The following CDH4 variants were observed in gnomAD, a reference collection of about 807,000 sequenced individuals.
The protein encoded by CDH4 is cadherin 4, also known as cadherin-4.
In CDH4, 33 loss-of-function variants were observed where a neutral mutation model predicts 86.0. The observed-to-expected ratio is 0.38, with a 90% CI of 0.29 to 0.51. The LOEUF (loss-of-function observed/expected upper bound fraction) is 0.51. CDH4 is among the 20% of genes least tolerant of loss of function. The pLI is 0.86. For missense variants in CDH4, 1,114 were observed against 1,307.4 expected, an observed-to-expected ratio of 0.85 and a Z score of 2.28; for synonymous variants, 555 against 549.4, an observed-to-expected ratio of 1.01 and a Z score of -0.14.
At chr20:61,592,497 A>C (rs200886382) in intron 2 of CDH4, among the ~76,000 whole-genome samples, 6 of 140,366 alleles carry the variant, frequency 4.3e-5, no homozygotes, top group Non-Finnish European at 9.4e-5. Flanking sequence ...CTTGGAAAGT[A>C]CAATTTATGA....
chr20:61,290,592 G>A (rs965855985), intron 2 of CDH4, among the ~76,000 whole-genome samples: 1 of 152,248 alleles, frequency 6.6e-6, no homozygotes, highest in Admixed American at 6.5e-5. Context: ...TTGACTACCT[G>A]CCCTGGTCCT....
chr20:61,376,253 T>C (rs1333081388), intron 2 of CDH4, among the ~76,000 whole-genome samples: 1 of 151,766 alleles, frequency 6.6e-6, no homozygotes, highest in Non-Finnish European at 1.5e-5. Context: ...GTAGTAGTGG[T>C]GGTGATGTGC....
chr20:61,512,904 GTGTT>G (rs903429330), intron 2 of CDH4, among the ~76,000 whole-genome samples: 10 of 152,222 alleles, frequency 6.6e-5, no homozygotes, highest in Admixed American at 2.0e-4. Flanking sequence ...TTCAGTTTGT[GTGTT>G]TGTTTGTTTT....
chr20:61,863,761 G>C (rs1983428594), intron 6 of CDH4, among the ~76,000 whole-genome samples: 1 of 152,194 alleles, frequency 6.6e-6, no homozygotes, highest in South Asian at 2.1e-4. Context: ...GAGGCTCCCG[G>C]AGGTGAAGCG....
At chr20:61,507,211 G>C (rs1238278356) in intron 2 of CDH4, among the ~76,000 whole-genome samples, 2 of 150,944 alleles carry the variant, frequency 1.3e-5, no homozygotes, top group African/African-American at 4.8e-5. Context: ...TTCCCCAAAG[G>C]TAGTTTTTCT....
At chr20:61,496,154 C>T (rs2085660776) in intron 2 of CDH4, among the ~76,000 whole-genome samples, 1 of 152,010 alleles carries the variant, frequency 6.6e-6, no homozygotes, top group African/African-American at 2.4e-5. Flanking sequence ...AATCCCAGCA[C>T]TTTGGGAGGC....
At position 61,573,559 on chromosome 20, in the gene CDH4, G is replaced by A. The variant is rs186472461; in HGVS notation, c.170-170004G>A. Reference sequence around the variant, plus strand: ...GTTGGCATGTTTGGTGGAGGGGGTCGTGTCCCACAGTCCTGACCAGCGTGG... The same window carrying A: ...GTTGGCATGTTTGGTGGAGGGGGTCATGTCCCACAGTCCTGACCAGCGTGG... On this transcript the variant is annotated intron_variant, in intron 2 of 15. Coordinates refer to ENST00000614565, the MANE Select transcript of CDH4 (RefSeq NM_001794.5). 2.0e-3 allele frequency among the ~76,000 whole-genome samples: 299 copies of A among 152,288 alleles called. 1 individual carries two copies. The highest frequency in any genetic ancestry group is 5.4e-3 in the East Asian group (28 of 5,166).
chr20:61,659,026 G>T (rs1030075143), intron 2 of CDH4, among the ~76,000 whole-genome samples: 5 of 152,206 alleles, frequency 3.3e-5, no homozygotes, highest in African/African-American at 1.2e-4. Context: ...TGAACTCATG[G>T]TGAGAATCAA....
At chr20:61,354,154 T>A (rs1191401427) in intron 2 of CDH4, among the ~76,000 whole-genome samples, 1 of 151,044 alleles carries the variant, frequency 6.6e-6, no homozygotes, top group Non-Finnish European at 1.5e-5. Flanking sequence ...CCGCCGACCG[T>A]CCTACAGTGC....
intron 2 of CDH4, among the ~76,000 whole-genome samples, chr20:61,256,727 C>T (rs1195103925): frequency 2.0e-5 from 3 of 152,190 alleles, no homozygotes; most frequent in African/African-American, 7.2e-5. Context: ...AGGGCTGGTT[C>T]AGGGAAGCAT....
chr20:61,791,907 C>T (rs1979220943), intron 4 of CDH4, among the ~76,000 whole-genome samples: 1 of 151,906 alleles, frequency 6.6e-6, no homozygotes, highest in East Asian at 1.9e-4. Context: ...GAGGGAGGGG[C>T]CTGGGGGAGG....
chr20:61,922,054 A>G (rs2054988778), intron 9 of CDH4, among the ~76,000 whole-genome samples: 1 of 152,158 alleles, frequency 6.6e-6, no homozygotes, highest in Non-Finnish European at 1.5e-5. Context: ...TTTCCTCTTT[A>G]CGGCTGCAAG....
At chr20:61,640,859 T>C (rs897697139) in intron 2 of CDH4, among the ~76,000 whole-genome samples, 2 of 152,210 alleles carry the variant, frequency 1.3e-5, no homozygotes, top group Admixed American at 6.5e-5. Flanking sequence ...GGGTGATTCT[T>C]GGTTCCGTTT....
Position 61,517,689 on chromosome 20 carries a change from G to A in CDH4, c.170-225874G>A, listed in dbSNP as rs991658282. Among the ~76,000 whole-genome samples, 2 of 145,248 alleles carry A rather than the reference G, an allele frequency of 1.4e-5. No individual in the cohort carries two copies. The highest frequency in any genetic ancestry group is 5.3e-5 in the African/African-American group (2 of 38,002). On this transcript the variant is annotated intron_variant, in intron 2 of 15. Transcript: ENST00000614565. This position sits in a 1 kb window ranked among gnomAD's most constrained non-coding sequence, Gnocchi z 6.6. Reference sequence around the variant, plus strand: ...TAGGACCATGGAGGGAATGAACAAGGAGGGGTTGTCGGACGTGTTCAGGAC... The same window carrying A: ...TAGGACCATGGAGGGAATGAACAAGAAGGGGTTGTCGGACGTGTTCAGGAC...
At chr20:61,699,109 C>T (rs1234706311) in intron 2 of CDH4, among the ~76,000 whole-genome samples, 2 of 152,260 alleles carry the variant, frequency 1.3e-5, no homozygotes, top group Non-Finnish European at 2.9e-5. Flanking sequence ...TCATTACAGC[C>T]TCGGCCATGG....
chr20:61,438,033 A>G (rs1450136642), intron 2 of CDH4, among the ~76,000 whole-genome samples: 3 of 152,230 alleles, frequency 2.0e-5, no homozygotes, highest in African/African-American at 7.2e-5. Flanking sequence ...TGACCCGTCC[A>G]GACTCCAACA....
At chr20:61,312,033 G>A (rs1483083021) in intron 2 of CDH4, among the ~76,000 whole-genome samples, 1 of 151,864 alleles carries the variant, frequency 6.6e-6, no homozygotes, top group Admixed American at 6.5e-5. Flanking sequence ...GTTTGCATGG[G>A]TGTTGTGTGT....
intron 2 of CDH4, among the ~76,000 whole-genome samples, chr20:61,558,883 C>T (rs966992990): frequency 9.2e-5 from 14 of 152,222 alleles, no homozygotes; most frequent in Non-Finnish European, 5.9e-5. Flanking sequence ...ACCGTGGGGC[C>T]GCTGGATGGC....
chr20:61,283,506 G>A lies in CDH4; in HGVS notation c.169+28569G>A, dbSNP rs552674733. Among the ~76,000 whole-genome samples, 1,089 of 129,376 alleles carry A rather than the reference G, an allele frequency of 8.4e-3. 135 individuals carry two copies. Among genetic ancestry groups the A allele is most frequent in the Non-Finnish European group, 0.014 (798 of 58,382 alleles). 84.9% of individuals were successfully genotyped at this position (129,376 alleles called of 152,430 possible). ...GTGTGATGTAGGTGCATTTGCACGC[G>A]TGTGCTGTGGTGTGTGATGTAGGTG... On this transcript the variant is annotated intron_variant, in intron 2 of 15. Transcript: ENST00000614565.
Sources: allele counts gnomAD v4.1 joint callset (sites outside exome capture counted in the v4.1 genomes callset), GRCh38; gene constraint gnomAD v4.1.1; non-coding constraint Gnocchi (gnomAD v3.1); transcripts MANE v1.5; gene names NCBI Gene and HGNC (gene_info 2026-07-23, HGNC 2026-07-21).